The following URM1 variants were observed in gnomAD, a reference collection of about 807,000 sequenced individuals.
The protein encoded by URM1 is ubiquitin-related modifier 1.
A neutral mutation model predicts 17.7 loss-of-function variants in URM1; 11 were observed. The observed-to-expected ratio is 0.62, with a 90% CI of 0.39 to 1.03. The LOEUF (loss-of-function observed/expected upper bound fraction) is 1.03. Ranked by LOEUF, URM1 falls within the 50% of genes least tolerant of loss-of-function variation. The probability of loss-of-function intolerance (pLI) is 0.00; values close to 1 mark genes in which losing one functional copy is unlikely to be tolerated. For synonymous variants in URM1, 48 were observed against 50.6 expected (o/e 0.95, Z 0.22); for missense variants, 128 against 129.2 (o/e 0.99, Z 0.04).
At chr9:128,388,002 C>T (rs913001533) in intron 3 of URM1, 105 bp downstream of exon 3, 72 of 1,505,564 alleles carry the variant, frequency 4.8e-5, no homozygotes, top group Non-Finnish European at 6.0e-5. Context: ...CGGTTCTCCC[C>T]TTCCTCCTCC....
At chr9:128,378,940 C>G (rs1298164251) in intron 2 of URM1, among the ~76,000 whole-genome samples, 2 of 129,044 alleles carry the variant, frequency 1.5e-5, no homozygotes, top group Admixed American at 8.1e-5. Context: ...GAGCAAGATT[C>G]TGTCACCAAA....
chr9:128,382,869 A>C (rs763933474), intron 2 of URM1, among the ~76,000 whole-genome samples: 10 of 152,194 alleles, frequency 6.6e-5, no homozygotes, highest in Non-Finnish European at 1.2e-4. Flanking sequence ...CCACCAGCTT[A>C]GGGTATTGCG....
chr9:128,376,831 A>G (rs1346368960), intron 1 of URM1, among the ~76,000 whole-genome samples: 2 of 152,122 alleles, frequency 1.3e-5, no homozygotes, highest in Non-Finnish European at 2.9e-5. Flanking sequence ...TACAAAAAGT[A>G]CAAAATTAGC....
chr9:128,387,260 G>T lies in URM1; in HGVS notation c.107-556G>T, dbSNP rs537848512. On this transcript the variant is annotated intron_variant, in intron 2 of 4. Transcript: ENST00000372853. This position sits in a 1 kb window ranked among gnomAD's most constrained non-coding sequence, Gnocchi z 4.3. ...CAGGGATTTGTCAGCATCCCTAGCT[G>T]GTGAATGATCCTTCTCTCCCTCTGC... Among the ~76,000 whole-genome samples, 1 of 152,368 alleles carries T rather than the reference G, an allele frequency of 6.6e-6. No individual in the cohort carries two copies. The highest frequency in any genetic ancestry group is 2.1e-4 in the South Asian group (1 of 4,832).
chr9:128,374,026 C>T (rs1317347254), intron 1 of URM1, among the ~76,000 whole-genome samples: 1 of 152,122 alleles, frequency 6.6e-6, no homozygotes, highest in Non-Finnish European at 1.5e-5. Context: ...ACACATCCAC[C>T]AAGAATTGGG....
intron 2 of URM1, among the ~76,000 whole-genome samples, chr9:128,380,985 C>T (rs1176429409): frequency 1.3e-5 from 2 of 152,060 alleles, no homozygotes; most frequent in Non-Finnish European, 2.9e-5. Flanking sequence ...CCACCACGCC[C>T]GGCTAATTTT....
chr9:128,376,932 G>A lies in URM1; in HGVS notation c.36-1104G>A, dbSNP rs192879197. 3.9e-3 allele frequency among the ~76,000 whole-genome samples: 594 copies of A among 152,294 alleles called. 1 individual carries two copies. The highest frequency in any genetic ancestry group is 6.0e-3 in the Non-Finnish European group (409 of 68,032). On this transcript the variant is annotated intron_variant, in intron 1 of 4. Transcript: ENST00000372853. ...GCCTAGGAGGTCAAGCCTGCAGTGAGCTGTGATTGTGCCACTGAACTCCAT... is the reference window on the plus strand; with the variant it reads ...GCCTAGGAGGTCAAGCCTGCAGTGAACTGTGATTGTGCCACTGAACTCCAT...
chr9:128,372,610 C>G (rs1332138812), intron 1 of URM1, among the ~76,000 whole-genome samples: 1 of 152,184 alleles, frequency 6.6e-6, no homozygotes, highest in Non-Finnish European at 1.5e-5. Context: ...TTGATATTGT[C>G]TGGCTGCTTG....
At chr9:128,376,008 C>G (rs2131289848) in intron 1 of URM1, among the ~76,000 whole-genome samples, 1 of 152,078 alleles carries the variant, frequency 6.6e-6, no homozygotes, top group African/African-American at 2.4e-5. Flanking sequence ...AGCTGCCTCT[C>G]TAGAAGGCAG....
rs1245654675 is a variant in URM1 at position 128,387,864 on chromosome 9, A to C, written c.155A>C (p.Glu52Ala). Residue 52 changes from glutamate to alanine, a missense_variant, in exon 3 of 5, where the codon GAG becomes GCG. By Grantham distance (107) the Glu-to-Ala change is moderately radical. Coordinates refer to ENST00000372853, the MANE Select transcript of URM1 (RefSeq NM_030914.4). The surrounding 1 kb of genome is among the most constrained non-coding windows in gnomAD (Gnocchi z 4.3). ...TGGATCAAGAAGAATTTGCTAAAAG[A>C]GCGGCCAGAGTTGTTCATCCAGGGA... ...LIWIKKNLLKERPELFIQGDS... is the reference protein window; with the variant it reads ...LIWIKKNLLKARPELFIQGDS... 2 of 1,613,984 alleles carry C rather than the reference A, an allele frequency of 1.2e-6. No homozygotes were observed. The highest frequency in any genetic ancestry group is 1.7e-6 in the Non-Finnish European group (2 of 1,180,018).
rs749238318 is a variant in URM1, at chr9:128,378,089, C to T, written c.89C>T (p.Pro30Leu). ...ATTAAGAAACATCGAGTCACTTTGC[C>T]TGGACAGGAGGAACCCTGTGAGTAT... ...DGIKKHRVTL[P>L]GQEEPWDIRN... The change falls in exon 2 of 5, where the codon CCT becomes CTT. Residue 30 changes from proline to leucine, a missense_variant. Pro to Leu is a moderately conservative substitution (Grantham distance 98, BLOSUM62 -3). Coordinates refer to ENST00000372853, the MANE Select transcript of URM1 (RefSeq NM_030914.4). 3 of 1,610,038 alleles carry T rather than the reference C, an allele frequency of 1.9e-6. No homozygotes were observed. Among genetic ancestry groups the T allele is most frequent in the East Asian group, 2.2e-5 (1 of 44,466 alleles).
Position 128,378,729 on chromosome 9 carries a change from C to T in URM1, c.106+623C>T, listed in dbSNP as rs146173253. Among the ~76,000 whole-genome samples the T allele has an allele frequency of 5.6e-3, 845 of 151,674 alleles. 6 individuals are homozygous for T. Among genetic ancestry groups the T allele is most frequent in the African/African-American group, 0.015 (623 of 41,348 alleles). On this transcript the variant is annotated intron_variant, in intron 2 of 4. Coordinates refer to ENST00000372853, the MANE Select transcript of URM1 (RefSeq NM_030914.4). ...CAGCACTTTGGGGGGCCGAGGCGGA[C>T]GGATCACTTGAGACCAGGAGTTCTA...
At chr9:128,372,155 T>C (rs1588575941) in intron 1 of URM1, among the ~76,000 whole-genome samples, 1 of 152,310 alleles carries the variant, frequency 6.6e-6, no homozygotes. Flanking sequence ...GTTTGTCATA[T>C]GGTTTCAAAG....
At chr9:128,377,421 C>G (rs1010081867) in intron 1 of URM1, among the ~76,000 whole-genome samples, 21 of 152,068 alleles carry the variant, frequency 1.4e-4, no homozygotes, top group Admixed American at 3.3e-4. Context: ...GACTGTAATT[C>G]CAGCACTTTG....
intron 2 of URM1, among the ~76,000 whole-genome samples, chr9:128,386,243 G>A (rs1833226294): frequency 6.6e-6 from 1 of 152,208 alleles, no homozygotes; most frequent in Admixed American, 6.5e-5. Flanking sequence ...GCCACAAGAT[G>A]TATGGGTTGG....
chr9:128,375,329 G>A (rs1446942292), intron 1 of URM1, among the ~76,000 whole-genome samples: 2 of 152,114 alleles, frequency 1.3e-5, no homozygotes, highest in East Asian at 3.9e-4. Flanking sequence ...CCATCATCTG[G>A]CCAGAGGAAA....
intron 2 of URM1, among the ~76,000 whole-genome samples, chr9:128,380,650 T>G (rs1833147129): frequency 1.3e-5 from 2 of 151,176 alleles, no homozygotes; most frequent in Middle Eastern, 3.4e-3. Context: ...TTTTTTTTTT[T>G]TTTGAGATGG....
intron 2 of URM1, among the ~76,000 whole-genome samples, chr9:128,384,130 T>G (rs7853999): frequency 0.044 from 6,766 of 152,266 alleles, 154 homozygotes; most frequent in Middle Eastern, 0.078. Flanking sequence ...GACAGCAAGA[T>G]GAAGTGACTT....
rs760936676 is a variant in URM1 at position 128,378,060 on chromosome 9, C to T, written c.60C>T (p.Asp20=). The T allele has an allele frequency of 3.8e-5, 61 of 1,611,518 alleles. No homozygotes were observed. Among genetic ancestry groups the T allele is most frequent in the Non-Finnish European group, 4.7e-5 (55 of 1,178,954 alleles). ...GAGGTGGTGCGGAGCTCCTGTTTGA[C>T]GGTATTAAGAAACATCGAGTCACTT... ...EFGGGAELLF[D]GIKKHRVTLP... The change falls in exon 2 of 5, where the codon GAC becomes GAT. Residue 20 remains aspartate, a synonymous_variant. Coordinates refer to ENST00000372853, the MANE Select transcript of URM1 (RefSeq NM_030914.4).
Sources: allele counts gnomAD v4.1 joint callset (sites outside exome capture counted in the v4.1 genomes callset), GRCh38; gene constraint gnomAD v4.1.1; non-coding constraint Gnocchi (gnomAD v3.1); transcripts MANE v1.5; gene names NCBI Gene and HGNC (gene_info 2026-07-23, HGNC 2026-07-21).